Variants in SPAST observed in about 807,000 individuals in gnomAD.
SPAST encodes spastic paraplegia 4 (autosomal dominant; spastin).
SPAST carries 30 observed loss-of-function variants against 76.6 expected under a neutral mutation model. That is an observed-to-expected ratio of 0.39 (90% CI 0.29 to 0.53). SPAST has a LOEUF of 0.53. Among genes scored for constraint, SPAST ranks in the 20% least tolerant of loss-of-function variants. The pLI, the probability that SPAST is intolerant of heterozygous loss-of-function variation, is 0.68. For synonymous variants in SPAST, 305 were observed against 281.0 expected, an observed-to-expected ratio of 1.09 and a Z score of -0.86; for missense variants, 717 against 770.5, an observed-to-expected ratio of 0.93 and a Z score of 0.82.
chr2:32,143,723 A>G (rs1243482665), intron 14 of SPAST, among the ~76,000 whole-genome samples: 1 of 152,182 alleles, frequency 6.6e-6, no homozygotes, highest in Non-Finnish European at 1.5e-5. Context: ...CTTAGGCAAC[A>G]TGGTAAAACC....
intron 4 of SPAST, among the ~76,000 whole-genome samples, chr2:32,106,492 G>C (rs914848517): frequency 1.3e-5 from 2 of 152,182 alleles, no homozygotes; most frequent in African/African-American, 4.8e-5. Flanking sequence ...GATGAACCCA[G>C]TTCCTCAGTT....
intron 1 of SPAST, among the ~76,000 whole-genome samples, chr2:32,083,598 G>A (rs1247758729): frequency 1.4e-5 from 2 of 146,522 alleles, no homozygotes; most frequent in East Asian, 2.0e-4. Flanking sequence ...CTTTTTATAC[G>A]CTTACTTGCC....
chr2:32,063,836 A>G lies in SPAST; in HGVS notation c.5A>G (p.Asn2Ser), dbSNP rs1230051542. 6.4e-7 allele frequency: 1 copy of G among 1,573,996 alleles called. No individual in the cohort carries two copies. Among genetic ancestry groups the G allele is most frequent in the South Asian group, 1.1e-5 (1 of 88,328 alleles). The change falls in exon 1 of 17, where the codon AAT (asparagine) becomes AGT (serine). Residue 2 changes from asparagine (N) to serine (S), a missense_variant. Asn to Ser is a conservative substitution (Grantham distance 46). This residue lies in a region of SPAST where 543 missense variants were observed against 445.2 expected (regional missense o/e 1.22). Coordinates refer to ENST00000315285, the MANE Select transcript of SPAST (RefSeq NM_014946.4). M[N>S]SPGGRGKKKG... ...CGGCGGCAGTGAGAGCTGTGAATGA[A>G]TTCTCCGGGTGGACGAGGGAAGAAG... is the stretch of plus-strand genomic sequence containing the variant.
intron 9 of SPAST, among the ~76,000 whole-genome samples, chr2:32,133,274 G>T (rs1264030949): frequency 2.0e-5 from 3 of 152,102 alleles, no homozygotes; most frequent in African/African-American, 4.8e-5. Context: ...AGTATTTATA[G>T]CATAAGTATA....
chr2:32,108,157 G>A (rs1558317641), intron 4 of SPAST, among the ~76,000 whole-genome samples: 1 of 152,020 alleles, frequency 6.6e-6, no homozygotes, highest in East Asian at 1.9e-4. Context: ...AAGAAAATAT[G>A]GTATCAGTTA....
intron 14 of SPAST, among the ~76,000 whole-genome samples, chr2:32,144,504 A>T (rs1679821578): frequency 2.0e-5 from 3 of 152,220 alleles, no homozygotes; most frequent in South Asian, 4.1e-4. Flanking sequence ...CTTAAAATCA[A>T]ACCCTCATAA....
intron 16 of SPAST, among the ~76,000 whole-genome samples, chr2:32,151,536 T>C (rs1489774469): frequency 6.6e-6 from 1 of 152,236 alleles, no homozygotes; most frequent in African/African-American, 2.4e-5. Flanking sequence ...ACTAGAATTT[T>C]ATATACCCAT....
chr2:32,069,277 T>C (rs1405078277), intron 1 of SPAST, among the ~76,000 whole-genome samples: 1 of 152,094 alleles, frequency 6.6e-6, no homozygotes, highest in Non-Finnish European at 1.5e-5. Flanking sequence ...CTTAAATTTT[T>C]TCTTTAGGAG....
chr2:32,084,448 G>A (rs1677388947), intron 1 of SPAST, among the ~76,000 whole-genome samples: 1 of 151,994 alleles, frequency 6.6e-6, no homozygotes, highest in Non-Finnish European at 1.5e-5. Flanking sequence ...ACAGGCATGA[G>A]CCACCGCCCC....
At position 32,067,121 on chromosome 2, in the gene SPAST, G is replaced by C. The variant is rs1257300669; in HGVS notation, c.415+2875G>C. Among the ~76,000 whole-genome samples, 4 of 152,084 alleles carry C rather than the reference G, an allele frequency of 2.6e-5. No individual in the cohort carries two copies. In the East Asian group the frequency reaches 7.7e-4, roughly 29 times the overall value. Reference sequence around the variant, plus strand: ...CAGTTGCCCAGGCTGGAGTGCAATGGTATGATCTTGGCTCACTGCAACCTC... The same window carrying C: ...CAGTTGCCCAGGCTGGAGTGCAATGCTATGATCTTGGCTCACTGCAACCTC... On this transcript the variant is annotated intron_variant, in intron 1 of 16. Transcript: ENST00000315285.
chr2:32,067,918 C>A (rs1039442031), intron 1 of SPAST, among the ~76,000 whole-genome samples: 7 of 150,386 alleles, frequency 4.7e-5, no homozygotes, highest in Non-Finnish European at 8.9e-5. Context: ...ATTTCATACT[C>A]TTCCTACTGA....
intron 12 of SPAST, 117 bp downstream of exon 12, chr2:32,137,305 C>G (rs574277245): frequency 2.0e-5 from 17 of 867,376 alleles, no homozygotes; most frequent in Non-Finnish European, 3.3e-5. Context: ...TATTTTCTTC[C>G]AGTACTATCT....
At chr2:32,064,728 T>A (rs1327658086) in intron 1 of SPAST, among the ~76,000 whole-genome samples, 4 of 152,254 alleles carry the variant, frequency 2.6e-5, no homozygotes, top group Non-Finnish European at 5.9e-5. Context: ...AAGAAATAGC[T>A]GCATATGACT....
intron 4 of SPAST, among the ~76,000 whole-genome samples, chr2:32,113,198 G>T (rs1200113712): frequency 6.6e-6 from 1 of 151,848 alleles, no homozygotes; most frequent in South Asian, 2.1e-4. Context: ...TGTGATCAGG[G>T]CTCACTGCAA....
Position 32,143,432 on chromosome 2 carries a change from TG to T in SPAST, c.1616+19del. On this transcript the variant is annotated intron_variant, in intron 14 of 16. Transcript: ENST00000315285. ...ACTTGCTAGGTGAGTAATTTGGATT[TG>T]GTTTATCTTACAGCTTTTATTTATT... The T allele has an allele frequency of 6.8e-7, 1 of 1,466,334 alleles. No homozygotes were observed. Among genetic ancestry groups the T allele is most frequent in the African/African-American group, 1.4e-5 (1 of 71,992 alleles). The allele number at this position is 1,466,334 out of a possible 1,614,324, so 90.8% of individuals were successfully genotyped here.
chr2:32,069,551 C>CTTTTT (rs36023742), intron 1 of SPAST, among the ~76,000 whole-genome samples: 13 of 139,632 alleles, frequency 9.3e-5, no homozygotes, highest in Non-Finnish European at 9.3e-5. Flanking sequence ...CATGACTTAT[C>CTTTTT]TTTTTTTTTT....
intron 2 of SPAST, 116 bp downstream of exon 2, chr2:32,087,694 CT>C (rs770566493): frequency 0.063 from 11,718 of 184,694 alleles, 3 homozygotes; most frequent in South Asian, 0.1. Context: ...CTTTTCTTTT[CT>C]TTTTTTTTTT....
intron 1 of SPAST, among the ~76,000 whole-genome samples, chr2:32,067,323 A>G (rs1676561282): frequency 6.6e-6 from 1 of 152,126 alleles, no homozygotes; most frequent in Admixed American, 6.6e-5. Context: ...TGGCCTCCCA[A>G]AGTGCTGGGA....
chr2:32,151,958 ATAG>A (rs1680099986), intron 16 of SPAST, among the ~76,000 whole-genome samples: 1 of 152,082 alleles, frequency 6.6e-6, no homozygotes, highest in African/African-American at 2.4e-5. Context: ...ACAGTTTATA[ATAG>A]TAGAAGTTCA....
Sources: allele counts gnomAD v4.1 joint callset (sites outside exome capture counted in the v4.1 genomes callset), GRCh38; gene constraint gnomAD v4.1.1; regional missense constraint gnomAD v4.1.1; transcripts MANE v1.5; gene names NCBI Gene and HGNC (gene_info 2026-07-23, HGNC 2026-07-21).